KICS2: variants seen among roughly 807,000 people sequenced by gnomAD.
KICS2 encodes the protein KICSTOR complex protein C12orf66.
KICS2 carries 13 observed loss-of-function variants against 31.4 expected under a neutral mutation model. The observed-to-expected ratio is 0.41, with a 90% CI of 0.27 to 0.66. The LOEUF is 0.66. KICS2 is among the 30% of genes least tolerant of loss of function. The pLI is 0.28. For missense variants in KICS2, 455 were observed against 545.4 expected (o/e 0.83, Z 1.65); for synonymous variants, 209 against 214.8 (o/e 0.97, Z 0.24).
chr12:64,195,844 G>C (rs1194546833), intron 2 of KICS2, among the ~76,000 whole-genome samples: 1 of 116,956 alleles, frequency 8.6e-6, no homozygotes, highest in South Asian at 2.8e-4. Flanking sequence ...GGTGACGGAC[G>C]CACCTGGAAA....
chr12:64,190,751 A>T (rs1309544258), downstream of KICS2, among the ~76,000 whole-genome samples: 1 of 151,722 alleles, frequency 6.6e-6, no homozygotes, highest in Admixed American at 6.5e-5. Flanking sequence ...TTTTCAAAAA[A>T]AAAAAGAAAG....
rs774945123 is a variant in KICS2, at chr12:64,222,257, G to A, written c.-20C>T. The A allele has an allele frequency of 1.9e-5, 30 of 1,611,310 alleles. No individual in the cohort carries two copies. In the East Asian group the frequency reaches 3.3e-4, roughly 18 times the overall value. ...CCCCATGCGAGCTGCGCCCCAGCTCGACCCACGTGGCTCTCCTCGGCCTCG... is the reference window on the plus strand; with the variant it reads ...CCCCATGCGAGCTGCGCCCCAGCTCAACCCACGTGGCTCTCCTCGGCCTCG... On this transcript the variant is annotated 5_prime_UTR_variant, in exon 1 of 3. Transcript: ENST00000398055.
chr12:64,221,454 TC>T (rs1565721977), intron 1 of KICS2: 2 of 154,236 alleles, frequency 1.3e-5, no homozygotes, highest in East Asian at 3.8e-4. Flanking sequence ...TTTACCATTT[TC>T]CCCTTAAGTC....
intron 2 of KICS2, among the ~76,000 whole-genome samples, chr12:64,206,635 C>G (rs375185678): frequency 7.9e-5 from 12 of 152,184 alleles, no homozygotes; most frequent in African/African-American, 2.9e-4. Flanking sequence ...GTGGAAACAA[C>G]TCCAATGCCC....
chr12:64,209,045 C>T (rs2037562840), intron 2 of KICS2, among the ~76,000 whole-genome samples: 1 of 151,902 alleles, frequency 6.6e-6, no homozygotes, highest in African/African-American at 2.4e-5. Flanking sequence ...GAAAATGTTC[C>T]ACTGGTGCTT....
At chr12:64,213,392 G>A (rs1406399852) in intron 2 of KICS2, among the ~76,000 whole-genome samples, 2 of 152,112 alleles carry the variant, frequency 1.3e-5, no homozygotes, top group African/African-American at 4.8e-5. Context: ...ACAGAGCTAA[G>A]CTGTATGACT....
In KICS2 at chr12:64,193,294, T is replaced by C. The variant is rs919058383; in HGVS notation, c.*548A>G. The C allele has an allele frequency of 2.0e-6, 2 of 985,802 alleles. No individual in the cohort carries two copies. Among genetic ancestry groups the C allele is most frequent in the South Asian group, 4.7e-5 (1 of 21,312 alleles). The allele number at this position is 985,802 out of a possible 1,614,324, so 61.1% of individuals were successfully genotyped here. On this transcript the variant is annotated 3_prime_UTR_variant, in exon 3 of 3. Transcript: ENST00000398055. ...ACTCACTTTCAGTTTCAATAACTGA[T>C]AGAAATTTCTTACCAAGACCCTAAT... is the stretch of plus-strand genomic sequence containing the variant.
intron 1 of KICS2, among the ~76,000 whole-genome samples, chr12:64,218,868 A>G (rs2037654120): frequency 6.6e-6 from 1 of 152,226 alleles, no homozygotes; most frequent in Non-Finnish European, 1.5e-5. Flanking sequence ...GAGATAGACC[A>G]TCAACACATT....
At chr12:64,213,087 CAAA>C (rs1235001391) in intron 2 of KICS2, among the ~76,000 whole-genome samples, 1 of 69,154 alleles carries the variant, frequency 1.4e-5, no homozygotes, top group African/African-American at 5.7e-5. Context: ...GAGACAAACT[CAAA>C]AAAAAAAAAA....
At chr12:64,203,252 G>A (rs920858001) in intron 2 of KICS2, among the ~76,000 whole-genome samples, 6 of 152,308 alleles carry the variant, frequency 3.9e-5, no homozygotes, top group Non-Finnish European at 7.4e-5. Flanking sequence ...CTGCCTGCTG[G>A]TTATGGGCTG....
chr12:64,207,960 TTTGGACTTCTGCTTAAAATCCTCAATGA>T (rs1450048360), intron 2 of KICS2, among the ~76,000 whole-genome samples: 1 of 152,210 alleles, frequency 6.6e-6, no homozygotes, highest in African/African-American at 2.4e-5. Flanking sequence ...TGGGGCTGTT[TTTGGACTTCTGCTTAAAATCCTCAATGA>T]TTGGACTTCT....
At chr12:64,187,367 G>T (rs1369820262), downstream of KICS2, 1 of 494,962 alleles carries the variant, frequency 2.0e-6, no homozygotes, top group Non-Finnish European at 3.5e-6. Flanking sequence ...ACTACAGAAG[G>T]GGGAACCCAT....
intron 2 of KICS2, among the ~76,000 whole-genome samples, chr12:64,202,400 C>CA (rs918059108): frequency 5.2e-4 from 70 of 134,024 alleles, no homozygotes; most frequent in East Asian, 1.0e-3. Flanking sequence ...ACCCTGTCTC[C>CA]AAAAAAAAAA....
chr12:64,196,816 G>A lies in KICS2; in HGVS notation c.522-2158C>T, dbSNP rs796366849. 3.1e-4 allele frequency among the ~76,000 whole-genome samples: 46 copies of A among 150,286 alleles called. No individual in the cohort carries two copies. In the South Asian group the frequency reaches 7.0e-3, roughly 23 times the overall value. On this transcript the variant is annotated intron_variant, in intron 2 of 2. Transcript: ENST00000398055. Reference sequence around the variant, plus strand: ...TACGTGAAGAATGCAGAAGCCTCAGGAGCCGATGCAATCAACTGGAAGAAA... The same window carrying A: ...TACGTGAAGAATGCAGAAGCCTCAGAAGCCGATGCAATCAACTGGAAGAAA...
chr12:64,189,648 A>T (rs558664046), downstream of KICS2, among the ~76,000 whole-genome samples: 1 of 152,228 alleles, frequency 6.6e-6, no homozygotes, highest in East Asian at 1.9e-4. Flanking sequence ...TAAATAAGTA[A>T]GTTAAAAATG....
At chr12:64,217,531 G>T (rs1431891408) in intron 1 of KICS2, among the ~76,000 whole-genome samples, 1 of 152,010 alleles carries the variant, frequency 6.6e-6, no homozygotes, top group Non-Finnish European at 1.5e-5. Context: ...AGACATGGTG[G>T]CTCATGCCTG....
intron 2 of KICS2, among the ~76,000 whole-genome samples, chr12:64,195,013 G>A (rs947857773): frequency 6.6e-6 from 1 of 150,588 alleles, no homozygotes; most frequent in South Asian, 2.1e-4. Flanking sequence ...GTACAATCAT[G>A]GCTCACTGCA....
At chr12:64,207,240 G>A (rs770519513) in intron 2 of KICS2, among the ~76,000 whole-genome samples, 4 of 147,252 alleles carry the variant, frequency 2.7e-5, no homozygotes, top group Non-Finnish European at 5.9e-5. Context: ...GGAGGTGGAG[G>A]TTGCAGTGAG....
chr12:64,195,536 G>A (rs79768655), intron 2 of KICS2, among the ~76,000 whole-genome samples: 98 of 152,276 alleles, frequency 6.4e-4, no homozygotes, highest in African/African-American at 2.2e-3. Context: ...ATTCAATCCT[G>A]GTTCCCAAAT....
Sources: gnomAD v4.1 joint callset for allele counts (sites outside exome capture counted in the v4.1 genomes callset) on GRCh38, gnomAD v4.1.1 for gene constraint, MANE v1.5 for transcripts, NCBI Gene and HGNC (gene_info 2026-07-23, HGNC 2026-07-21) for gene names.